CNTNAP2: variants seen among roughly 807,000 people sequenced by gnomAD.
The protein encoded by CNTNAP2 is contactin associated protein 2.
In CNTNAP2, 98 loss-of-function variants were observed where a neutral mutation model predicts 155.2. That is an observed-to-expected ratio of 0.63 (90% confidence interval 0.54 to 0.75). The LOEUF is 0.75. Among genes scored for constraint, CNTNAP2 ranks in the 30% least tolerant of loss-of-function variants. The probability of loss-of-function intolerance (pLI) is 0.00; values close to 1 mark genes in which losing one functional copy is unlikely to be tolerated. For missense variants in CNTNAP2, 1,727 were observed against 1,688.1 expected, an observed-to-expected ratio of 1.02 and a Z score of -0.40; for synonymous variants, 651 against 631.2, an observed-to-expected ratio of 1.03 and a Z score of -0.47.
At chr7:146,201,788 A>G (rs1295745178) in intron 1 of CNTNAP2, among the ~76,000 whole-genome samples, 1 of 152,124 alleles carries the variant, frequency 6.6e-6, no homozygotes, top group Non-Finnish European at 1.5e-5. Flanking sequence ...TGTGAAATAT[A>G]TTTAAATATA....
intron 1 of CNTNAP2, among the ~76,000 whole-genome samples, chr7:146,427,346 G>A (rs866591410): frequency 6.6e-6 from 1 of 152,114 alleles, no homozygotes; most frequent in Non-Finnish European, 1.5e-5. Context: ...AATCTCTGTC[G>A]CAACTCAATA....
At chr7:146,688,990 A>AT (rs961112175) in intron 1 of CNTNAP2, among the ~76,000 whole-genome samples, 1 of 152,198 alleles carries the variant, frequency 6.6e-6, no homozygotes, top group Admixed American at 6.5e-5. Context: ...TACAGCTTAC[A>AT]TGATGCTTCA....
intron 1 of CNTNAP2, among the ~76,000 whole-genome samples, chr7:146,263,143 C>A (rs1799944490): frequency 6.6e-6 from 1 of 151,994 alleles, no homozygotes; most frequent in Non-Finnish European, 1.5e-5. Flanking sequence ...ATGGTGAAAC[C>A]CTGTCTCTAC....
chr7:147,459,094 A>T (rs1362148276), intron 10 of CNTNAP2, among the ~76,000 whole-genome samples: 1 of 152,196 alleles, frequency 6.6e-6, no homozygotes, highest in African/African-American at 2.4e-5. Flanking sequence ...GCACTGTCCA[A>T]TATGGTAGCC....
chr7:147,778,055 A>C (rs1797611888), intron 13 of CNTNAP2, among the ~76,000 whole-genome samples: 2 of 151,332 alleles, frequency 1.3e-5, no homozygotes, highest in South Asian at 4.1e-4. Context: ...TTGATGAGAT[A>C]TTTTTAAGGA....
At chr7:146,126,987 A>G (rs1797646930) in intron 1 of CNTNAP2, among the ~76,000 whole-genome samples, 1 of 152,112 alleles carries the variant, frequency 6.6e-6, no homozygotes, top group Non-Finnish European at 1.5e-5. Context: ...TATCATCTAT[A>G]TCTATGCCAG....
At chr7:146,718,519 T>A (rs187390937) in intron 1 of CNTNAP2, among the ~76,000 whole-genome samples, 1 of 152,208 alleles carries the variant, frequency 6.6e-6, no homozygotes, top group African/African-American at 2.4e-5. Context: ...TCTGTTTAAT[T>A]AGAAGGAAGG....
intron 8 of CNTNAP2, among the ~76,000 whole-genome samples, chr7:147,295,513 A>T (rs1025005665): frequency 6.6e-6 from 1 of 152,176 alleles, no homozygotes; most frequent in African/African-American, 2.4e-5. Context: ...GTTTAAAAAA[A>T]TTTTGTGAGG....
At chr7:148,407,458 C>G (rs1231802844) in intron 22 of CNTNAP2, among the ~76,000 whole-genome samples, 1 of 152,114 alleles carries the variant, frequency 6.6e-6, no homozygotes, top group African/African-American at 2.4e-5. Flanking sequence ...AATCCCAGCA[C>G]TTTGAAAGGC....
At chr7:147,577,528 TACAA>T in intron 12 of CNTNAP2, among the ~76,000 whole-genome samples, 1 of 151,916 alleles carries the variant, frequency 6.6e-6, no homozygotes, top group Non-Finnish European at 1.5e-5. Context: ...TACTTGTGTA[TACAA>T]AGGCTTGTAG....
In CNTNAP2 at chr7:148,410,308, G is replaced by A. The variant is rs377377894; in HGVS notation, c.3796+837G>A. 6.6e-5 allele frequency among the ~76,000 whole-genome samples: 10 copies of A among 151,904 alleles called. No individual in the cohort carries two copies. The South Asian group carries it at 1.0e-3, about 16-fold the overall frequency. On this transcript the variant is annotated intron_variant, in intron 23 of 23. Transcript: ENST00000361727. ...AGGAATGCTGGGTGCAGTGACTTACGCCTGTAATCCCAGCACTTCGGGAGG... is the reference window on the plus strand; with the variant it reads ...AGGAATGCTGGGTGCAGTGACTTACACCTGTAATCCCAGCACTTCGGGAGG...
At chr7:146,302,538 T>C (rs1800629126) in intron 1 of CNTNAP2, among the ~76,000 whole-genome samples, 1 of 152,146 alleles carries the variant, frequency 6.6e-6, no homozygotes, top group Non-Finnish European at 1.5e-5. Context: ...TCAAGATTTA[T>C]GGAAGGAAAA....
intron 13 of CNTNAP2, among the ~76,000 whole-genome samples, chr7:147,726,029 G>T (rs1381027189): frequency 6.6e-6 from 1 of 151,958 alleles, no homozygotes; most frequent in African/African-American, 2.4e-5. Flanking sequence ...AATACTGCAT[G>T]ATTTCTCGTA....
chr7:146,397,729 A>G (rs1281965246), intron 1 of CNTNAP2, among the ~76,000 whole-genome samples: 1 of 152,186 alleles, frequency 6.6e-6, no homozygotes, highest in Non-Finnish European at 1.5e-5. Context: ...TACTTTAGAC[A>G]TGACAGTATA....
At chr7:146,762,632 T>C (rs1214164439) in intron 1 of CNTNAP2, among the ~76,000 whole-genome samples, 1 of 151,990 alleles carries the variant, frequency 6.6e-6, no homozygotes, top group African/African-American at 2.4e-5. Context: ...AAAGAATCCC[T>C]GTAGTAGTCT....
intron 13 of CNTNAP2, among the ~76,000 whole-genome samples, chr7:147,713,098 C>T (rs545169879): frequency 6.4e-4 from 98 of 152,160 alleles, no homozygotes; most frequent in African/African-American, 2.3e-3. Context: ...AATCTCATCT[C>T]CTAAGAACAC....
intron 3 of CNTNAP2, among the ~76,000 whole-genome samples, chr7:146,862,588 G>A (rs755370244): frequency 6.6e-6 from 1 of 152,170 alleles, no homozygotes; most frequent in African/African-American, 2.4e-5. Context: ...ATTTGAATGT[G>A]TACCCTGGGG....
chr7:146,289,019 G>A (rs868764849), intron 1 of CNTNAP2, among the ~76,000 whole-genome samples: 4 of 151,368 alleles, frequency 2.6e-5, no homozygotes, highest in Middle Eastern at 3.4e-3. Flanking sequence ...GGCCAGGCTC[G>A]TCTGGAACTC....
chr7:146,395,276 G>A (rs1392499585), intron 1 of CNTNAP2, among the ~76,000 whole-genome samples: 1 of 152,116 alleles, frequency 6.6e-6, no homozygotes. Context: ...GAGGCTCAGA[G>A]CTAGTAAGTG....
Sources: gnomAD v4.1 joint callset for allele counts (sites outside exome capture counted in the v4.1 genomes callset) on GRCh38, gnomAD v4.1.1 for gene constraint, MANE v1.5 for transcripts, NCBI Gene and HGNC (gene_info 2026-07-23, HGNC 2026-07-21) for gene names.